Variants in CPNE4 observed in about 807,000 individuals in gnomAD.
The protein encoded by CPNE4 is copine-4.
In CPNE4, 25 loss-of-function variants were observed where a neutral mutation model predicts 67.9. The ratio of observed to expected loss-of-function variants is 0.37; its 90% CI spans 0.27 to 0.51. CPNE4 has a LOEUF of 0.51. Among genes scored for constraint, CPNE4 ranks in the 20% least tolerant of loss-of-function variants. The pLI is 0.93. For synonymous variants in CPNE4, 242 were observed against 244.9 expected (o/e 0.99, Z 0.11); for missense variants, 464 against 690.8 (o/e 0.67, Z 3.68).
At chr3:131,581,536 A>G (rs1239966275) in intron 9 of CPNE4, 43 bp downstream of exon 9, 1 of 1,281,486 alleles carries the variant, frequency 7.8e-7, no homozygotes, top group South Asian at 1.2e-5. Context: ...CCTCTCAGAT[A>G]GCCCTAGCTT....
At chr3:132,019,736 C>T (rs1443160562) in intron 1 of CPNE4, among the ~76,000 whole-genome samples, 3 of 152,134 alleles carry the variant, frequency 2.0e-5, no homozygotes, top group African/African-American at 7.2e-5. Context: ...AAAGCAATCC[C>T]TCTGCTTTTT....
At chr3:131,973,607 G>C (rs1012104507) in intron 1 of CPNE4, among the ~76,000 whole-genome samples, 3 of 152,174 alleles carry the variant, frequency 2.0e-5, no homozygotes, top group African/African-American at 7.2e-5. Context: ...AGCAGAGCTG[G>C]TGGCAGAGCT....
chr3:132,011,187 AG>A (rs1186354052), intron 1 of CPNE4, among the ~76,000 whole-genome samples: 1 of 152,232 alleles, frequency 6.6e-6, no homozygotes, highest in East Asian at 1.9e-4. Context: ...CCTGCTGAGA[AG>A]AAGAGTCCCA....
At chr3:132,024,165 C>A (rs1232605001) in intron 1 of CPNE4, among the ~76,000 whole-genome samples, 1 of 150,430 alleles carries the variant, frequency 6.6e-6, no homozygotes, top group Non-Finnish European at 1.5e-5. Flanking sequence ...CTCACTGCAA[C>A]CTGTGCCTCC....
intron 6 of CPNE4, 79 bp from the exon 7 acceptor site, chr3:131,669,843 G>T (rs1411834413): frequency 9.0e-7 from 1 of 1,105,152 alleles, no homozygotes; most frequent in Non-Finnish European, 1.4e-6. Flanking sequence ...AACTGCTTGA[G>T]AAACCATTGT....
At chr3:132,009,377 G>A (rs2073691478) in intron 1 of CPNE4, among the ~76,000 whole-genome samples, 1 of 152,140 alleles carries the variant, frequency 6.6e-6, no homozygotes, top group African/African-American at 2.4e-5. Context: ...CTCCATGCTT[G>A]TTAAACACCC....
intron 2 of CPNE4, among the ~76,000 whole-genome samples, chr3:131,885,641 C>A (rs895854965): frequency 1.2e-4 from 18 of 152,020 alleles, no homozygotes; most frequent in Non-Finnish European, 2.5e-4. Flanking sequence ...GCTGCACCCA[C>A]TAACTCGTCA....
chr3:131,905,681 A>C (rs2088722019), intron 1 of CPNE4, among the ~76,000 whole-genome samples: 1 of 152,144 alleles, frequency 6.6e-6, no homozygotes, highest in African/African-American at 2.4e-5. Context: ...TTCTTGTATG[A>C]TTTGCATACA....
intron 2 of CPNE4, among the ~76,000 whole-genome samples, chr3:131,801,227 G>C (rs980328126): frequency 6.6e-6 from 1 of 151,192 alleles, no homozygotes; most frequent in South Asian, 2.1e-4. Flanking sequence ...ACAGTACCTG[G>C]AATTTTCTAA....
chr3:131,755,907 T>C (rs2082739898), intron 2 of CPNE4, among the ~76,000 whole-genome samples: 2 of 152,362 alleles, frequency 1.3e-5, no homozygotes, highest in African/African-American at 4.8e-5. Context: ...TTTCCTGGCA[T>C]ATCCAAGAGA....
chr3:131,853,017 G>T (rs1216016496), intron 2 of CPNE4, among the ~76,000 whole-genome samples: 1 of 151,742 alleles, frequency 6.6e-6, no homozygotes, highest in Admixed American at 6.6e-5. Context: ...CACGTTGATA[G>T]ATTCAGAGCA....
chr3:131,696,585 T>C lies in CPNE4; in HGVS notation c.464A>G (p.Asp155Gly), dbSNP rs1039455239. ...TGCATTGAATGCAAGCTCAACATAGTCGTCATTGCCAGATAATTCTTCAGC... is the reference window on the plus strand; with the variant it reads ...TGCATTGAATGCAAGCTCAACATAGCCGTCATTGCCAGATAATTCTTCAGC... ...VIAEELSGND[D>G]YVELAFNARK... is the part of the protein sequence containing the mutation. The change falls in exon 5 of 16, where the codon GAC (aspartate) becomes GGC (glycine). Residue 155 changes from aspartate to glycine, a missense_variant. Asp to Gly is a moderately conservative substitution (Grantham distance 94). Around this residue, in one of 6 missense-constraint regions of CPNE4, gnomAD observed 170 missense variants for 203.3 expected, o/e 0.84. Transcript: ENST00000429747. 9.9e-6 allele frequency: 16 copies of C among 1,613,922 alleles called. No individual in the cohort carries two copies. The highest frequency in any genetic ancestry group is 4.4e-5 in the South Asian group (4 of 91,082).
At chr3:131,834,337 A>T (rs1242521951) in intron 2 of CPNE4, among the ~76,000 whole-genome samples, 1 of 151,848 alleles carries the variant, frequency 6.6e-6, no homozygotes, top group African/African-American at 2.4e-5. Flanking sequence ...ATTCCTTTAG[A>T]TGTGGATTGG....
At chr3:131,883,661 T>G (rs923980212) in intron 2 of CPNE4, among the ~76,000 whole-genome samples, 11 of 152,220 alleles carry the variant, frequency 7.2e-5, no homozygotes, top group Non-Finnish European at 5.9e-5. Context: ...CTCTCACTCT[T>G]GCTTTCTTAT....
intron 6 of CPNE4, among the ~76,000 whole-genome samples, chr3:131,682,731 T>G (rs1006174880): frequency 1.3e-5 from 2 of 151,998 alleles, no homozygotes; most frequent in African/African-American, 4.8e-5. Flanking sequence ...GTTAGTGAGT[T>G]CCTCCCAGTC....
intron 2 of CPNE4, among the ~76,000 whole-genome samples, chr3:131,886,949 T>C (rs893387601): frequency 2.6e-5 from 4 of 152,196 alleles, no homozygotes; most frequent in African/African-American, 9.7e-5. Context: ...ACTACGGACT[T>C]TTAGTTAATG....
intron 1 of CPNE4, among the ~76,000 whole-genome samples, chr3:131,924,344 C>T (rs1433405041): frequency 1.3e-5 from 2 of 152,074 alleles, no homozygotes; most frequent in African/African-American, 2.4e-5. Context: ...TCAATTCAGC[C>T]GTGAACTTAG....
intron 11 of CPNE4, among the ~76,000 whole-genome samples, chr3:131,559,646 T>C (rs1482680278): frequency 6.6e-6 from 1 of 152,000 alleles, no homozygotes. Context: ...TACAGAAATA[T>C]ACAGTGATTA....
chr3:131,730,034 TCA>T (rs777086760), intron 2 of CPNE4, among the ~76,000 whole-genome samples: 8 of 152,248 alleles, frequency 5.3e-5, no homozygotes, highest in Non-Finnish European at 1.0e-4. Context: ...TACTTTTATT[TCA>T]CAGTTTGATA....
Sources: gnomAD v4.1 joint callset for allele counts (sites outside exome capture counted in the v4.1 genomes callset) on GRCh38, gnomAD v4.1.1 for gene constraint, gnomAD v4.1.1 regional missense constraint, MANE v1.5 for transcripts, NCBI Gene and HGNC (gene_info 2026-07-23, HGNC 2026-07-21) for gene names.